The following CMTM4 variants were observed in gnomAD, a reference collection of about 807,000 sequenced individuals.
The protein encoded by CMTM4 is CKLF-like MARVEL transmembrane domain-containing protein 4.
CMTM4 carries 8 observed loss-of-function variants against 19.0 expected under a neutral mutation model. That is an observed-to-expected ratio of 0.42 (90% CI 0.25 to 0.76). The LOEUF is 0.76. Among genes scored for constraint, CMTM4 ranks in the 30% least tolerant of loss-of-function variants. The pLI is 0.27. For missense variants in CMTM4, 228 were observed against 290.2 expected (o/e 0.79, Z 1.56); for synonymous variants, 106 against 121.1 (o/e 0.88, Z 0.82).
chr16:66,656,477 C>G (rs2016399380), intron 1 of CMTM4, among the ~76,000 whole-genome samples: 1 of 152,102 alleles, frequency 6.6e-6, no homozygotes, highest in South Asian at 2.1e-4. Context: ...CATCTTCCCA[C>G]CTCAGCCTCC....
chr16:66,663,211 G>A (rs1442972909), intron 1 of CMTM4, among the ~76,000 whole-genome samples: 5 of 152,102 alleles, frequency 3.3e-5, no homozygotes, highest in Admixed American at 2.6e-4. Context: ...AAATGTCCAC[G>A]ATATAATTCT....
chr16:66,624,424 G>A (rs974332407), intron 2 of CMTM4, among the ~76,000 whole-genome samples: 1 of 152,226 alleles, frequency 6.6e-6, no homozygotes, highest in Non-Finnish European at 1.5e-5. Flanking sequence ...ATCCACACCT[G>A]ATGGATCCTC....
chr16:66,665,878 G>A (rs533541431), intron 1 of CMTM4, among the ~76,000 whole-genome samples: 1 of 151,646 alleles, frequency 6.6e-6, no homozygotes, highest in Non-Finnish European at 1.5e-5. Context: ...AGACCAGCCT[G>A]GCCAACATGG....
intron 1 of CMTM4, among the ~76,000 whole-genome samples, chr16:66,667,835 C>A (rs2144874157): frequency 6.6e-6 from 1 of 152,224 alleles, no homozygotes; most frequent in African/African-American, 2.4e-5. Context: ...TTGCAGTGAG[C>A]CGTGATCACA....
In CMTM4 at chr16:66,621,918, G is replaced by T; in HGVS notation, c.*140C>A. On this transcript the variant is annotated 3_prime_UTR_variant, in exon 4 of 4. Transcript: ENST00000394106. The stretch of plus-strand genomic sequence containing the variant: ...CGGACCCGCCCACTGGGCCACTCGG[G>T]AAACCCTTTCCCAAAATGAACTTTT... 1 of 1,443,388 alleles carries T rather than the reference G, an allele frequency of 6.9e-7. No homozygotes were observed. 89.4% of individuals were successfully genotyped at this position (1,443,388 alleles called of 1,614,324 possible). A position where few individuals can be genotyped will look rare whatever the true frequency, so the allele number is the denominator to read the frequency against.
intron 1 of CMTM4, among the ~76,000 whole-genome samples, chr16:66,644,638 C>T (rs563313073): frequency 9.9e-5 from 15 of 152,216 alleles, no homozygotes; most frequent in Non-Finnish European, 1.5e-4. Context: ...AAACCTGTAC[C>T]TACTGCTAGG....
intron 2 of CMTM4, among the ~76,000 whole-genome samples, chr16:66,628,826 T>C (rs1393856206): frequency 6.6e-6 from 1 of 152,234 alleles, no homozygotes; most frequent in Non-Finnish European, 1.5e-5. Flanking sequence ...AATATTCCAT[T>C]GTATAGATAC....
rs574172598 is a variant in CMTM4, at chr16:66,642,607, G to A, written c.187-6026C>T. The stretch of plus-strand genomic sequence containing the variant: ...GGCACATGCCTGTAATCCCAGCTAG[G>A]CAGGAGGCTGAGGCATGAAAATCAC... On this transcript the variant is annotated intron_variant, in intron 1 of 3. Transcript: ENST00000394106. Among the ~76,000 whole-genome samples, 44 of 152,176 alleles carry A rather than the reference G, an allele frequency of 2.9e-4. 1 individual carries two copies. The South Asian group carries it at 8.5e-3, about 29-fold the overall frequency.
At chr16:66,690,193 C>T (rs187635598) in intron 1 of CMTM4, among the ~76,000 whole-genome samples, 20 of 152,324 alleles carry the variant, frequency 1.3e-4, no homozygotes, top group Admixed American at 1.0e-3. Context: ...ACTGCTTCAT[C>T]TACCATTATG....
chr16:66,654,533 A>G (rs1043259213), intron 1 of CMTM4, among the ~76,000 whole-genome samples: 10 of 152,130 alleles, frequency 6.6e-5, no homozygotes. Context: ...CTGTTCCCCC[A>G]CAAACTGGGC....
At chr16:66,691,458 T>C (rs549467468) in intron 1 of CMTM4, among the ~76,000 whole-genome samples, 1 of 152,286 alleles carries the variant, frequency 6.6e-6, no homozygotes, top group South Asian at 2.1e-4. Flanking sequence ...CTCAGCACTT[T>C]GGGAAGCCGA....
rs192164111 is a variant in CMTM4, at chr16:66,696,367, C to A, written c.159G>T (p.Ala53=). ...CTTGGGCGACCTTGAGGCGGCCGAGCGCGCCGCGCAGGTAGTCGGGGTCGC... is the reference window on the plus strand; with the variant it reads ...CTTGGGCGACCTTGAGGCGGCCGAGAGCGCCGCGCAGGTAGTCGGGGTCGC... The part of the protein sequence containing the change: ...LRCDPDYLRG[A]LGRLKVAQVI... The change falls in exon 1 of 4, where the codon GCG becomes GCT. Residue 53 remains alanine, a synonymous_variant. Transcript: ENST00000394106. This position sits in a 1 kb window ranked among gnomAD's most constrained non-coding sequence, Gnocchi z 4.3. The A allele has an allele frequency of 1.8e-5, 26 of 1,423,010 alleles. No individual in the cohort carries two copies. The highest frequency in any genetic ancestry group is 2.7e-5 in the Admixed American group (1 of 36,580). 88.1% of individuals were successfully genotyped at this position (1,423,010 alleles called of 1,614,324 possible).
At chr16:66,679,681 G>A (rs568606619) in intron 1 of CMTM4, among the ~76,000 whole-genome samples, 8 of 151,958 alleles carry the variant, frequency 5.3e-5, no homozygotes, top group South Asian at 2.1e-4. Context: ...AAAATCAGCC[G>A]GGCGTGGTGC....
At chr16:66,660,841 G>T (rs545185170) in intron 1 of CMTM4, among the ~76,000 whole-genome samples, 1 of 152,258 alleles carries the variant, frequency 6.6e-6, no homozygotes, top group Non-Finnish European at 1.5e-5. Flanking sequence ...TGGCTGCCCT[G>T]TCCCCATAGT....
the CMTM4 span, chr16:66,609,705 G>C: frequency 6.5e-7 from 1 of 1,548,944 alleles, no homozygotes; most frequent in Non-Finnish European, 8.7e-7. This position sits in a 1 kb window ranked among gnomAD's most constrained non-coding sequence, Gnocchi z 4.4. Flanking sequence ...GGTTTTGAAA[G>C]GCTGTTTGTC....
At chr16:66,652,701 T>C (rs2016333527) in intron 1 of CMTM4, among the ~76,000 whole-genome samples, 1 of 152,232 alleles carries the variant, frequency 6.6e-6, no homozygotes, top group African/African-American at 2.4e-5. Context: ...TTTTTTGGTA[T>C]CTAACTACTT....
the CMTM4 span, among the ~76,000 whole-genome samples, chr16:66,598,486 T>A: frequency 6.6e-6 from 1 of 152,212 alleles, no homozygotes; most frequent in Non-Finnish European, 1.5e-5. Flanking sequence ...AGTATATAGT[T>A]TGATGTGTTT....
rs1245224885 is a variant in CMTM4, at chr16:66,616,017, C to T, written c.*6041G>A. ...AGCAGCAGAGAGGAAAGAGGAATAGCCAGGGAATTTTTTTTGTTTTTTTTC... is the reference window on the plus strand; with the variant it reads ...AGCAGCAGAGAGGAAAGAGGAATAGTCAGGGAATTTTTTTTGTTTTTTTTC... On this transcript the variant is annotated 3_prime_UTR_variant, in exon 4 of 4. Transcript: ENST00000394106. 1.3e-5 allele frequency: 2 copies of T among 151,430 alleles called. No homozygotes were observed. Among genetic ancestry groups the T allele is most frequent in the African/African-American group, 2.4e-5 (1 of 41,336 alleles). The allele number at this position is 151,430 out of a possible 1,614,324, so 9.4% of individuals were successfully genotyped here. A position where few individuals can be genotyped will look rare whatever the true frequency, so the allele number is the denominator to read the frequency against.
intron 1 of CMTM4, among the ~76,000 whole-genome samples, chr16:66,688,524 C>T (rs575345578): frequency 1.4e-5 from 2 of 141,818 alleles, no homozygotes; most frequent in South Asian, 4.6e-4. Flanking sequence ...AAACACTCCC[C>T]TCAACACACA....
Sources: allele counts gnomAD v4.1 joint callset (sites outside exome capture counted in the v4.1 genomes callset), GRCh38; gene constraint gnomAD v4.1.1; non-coding constraint Gnocchi (gnomAD v3.1); transcripts MANE v1.5; gene names NCBI Gene and HGNC (gene_info 2026-07-23, HGNC 2026-07-21).